SEMA3A: variants seen among roughly 807,000 people sequenced by gnomAD.
The protein encoded by SEMA3A is semaphorin-3A.
SEMA3A carries 29 observed loss-of-function variants against 97.9 expected under a neutral mutation model. The observed-to-expected ratio is 0.30, with a 90% CI of 0.22 to 0.40. SEMA3A has a LOEUF of 0.40. Ranked by LOEUF, SEMA3A falls within the 10% of genes least tolerant of loss-of-function variation. The probability of loss-of-function intolerance (pLI) is 1.00; values close to 1 mark genes in which losing one functional copy is unlikely to be tolerated. For missense variants in SEMA3A, 763 were observed against 951.3 expected, an observed-to-expected ratio of 0.80 and a Z score of 2.60; for synonymous variants, 321 against 323.7, an observed-to-expected ratio of 0.99 and a Z score of 0.09.
intron 1 of SEMA3A, among the ~76,000 whole-genome samples, chr7:84,425,169 A>T (rs1387072288): frequency 3.6e-5 from 4 of 110,932 alleles, no homozygotes; most frequent in African/African-American, 7.6e-5. Flanking sequence ...ATAAATATTA[A>T]ATATATTATA....
At chr7:84,340,069 A>T (rs1232809706) in intron 2 of SEMA3A, among the ~76,000 whole-genome samples, 3 of 152,136 alleles carry the variant, frequency 2.0e-5, no homozygotes, top group African/African-American at 7.2e-5. Context: ...GATATTTTGT[A>T]AAATTACCAT....
Position 84,405,304 on chromosome 7 carries a change from T to C in SEMA3A, c.-245-33404A>G, listed in dbSNP as rs186879473. Among the ~76,000 whole-genome samples, 8 of 152,272 alleles carry C rather than the reference T, an allele frequency of 5.3e-5. No individual in the cohort carries two copies. In the East Asian group the frequency reaches 1.5e-3, roughly 29 times the overall value. On this transcript the variant is annotated intron_variant, in intron 1 of 3. Coordinates refer to the SEMA3A transcript ENST00000424555. Reference sequence around the variant, plus strand: ...AGATCAAAAGAGACAAAGAAGGCCATTACATAATGGTCAAGGGATCAATTC... The same window carrying C: ...AGATCAAAAGAGACAAAGAAGGCCACTACATAATGGTCAAGGGATCAATTC...
rs1803226101 is a variant in SEMA3A at position 84,380,368 on chromosome 7, A to G, written c.-245-8468T>C. On this transcript the variant is annotated intron_variant, in intron 1 of 3. Transcript: ENST00000424555. ...CAATCTAGTTTGATAGCATAATTAA[A>G]ATGAACAAAATCTTCATGCACAGCA... is the stretch of plus-strand genomic sequence containing the variant. 3.3e-5 allele frequency among the ~76,000 whole-genome samples: 5 copies of G among 152,336 alleles called. No homozygotes were observed. The South Asian group carries it at 1.0e-3, about 32-fold the overall frequency.
chr7:84,074,457 T>C (rs1793865984), intron 4 of SEMA3A, among the ~76,000 whole-genome samples: 1 of 152,136 alleles, frequency 6.6e-6, no homozygotes, highest in Non-Finnish European at 1.5e-5. Flanking sequence ...AGTATAATTT[T>C]CTGCCTTGTT....
intron 1 of SEMA3A, among the ~76,000 whole-genome samples, chr7:84,373,157 T>C (rs1803012636): frequency 6.6e-6 from 1 of 152,192 alleles, no homozygotes; most frequent in Non-Finnish European, 1.5e-5. Context: ...ACTAAATAAG[T>C]GTCCCCAGTC....
At chr7:84,084,386 G>A (rs1486528761) in intron 4 of SEMA3A, among the ~76,000 whole-genome samples, 3 of 151,640 alleles carry the variant, frequency 2.0e-5, no homozygotes, top group Non-Finnish European at 4.4e-5. Context: ...ATATAGCAGG[G>A]GTGATAAAAA....
At chr7:84,432,860 A>ATTTTT (rs34970127) in intron 1 of SEMA3A, among the ~76,000 whole-genome samples, 3 of 138,942 alleles carry the variant, frequency 2.2e-5, no homozygotes, top group Admixed American at 7.3e-5. Flanking sequence ...ACAAATGTGA[A>ATTTTT]TTTTTTTTTT....
At chr7:84,049,384 T>C (rs1792497240) in intron 5 of SEMA3A, among the ~76,000 whole-genome samples, 1 of 152,078 alleles carries the variant, frequency 6.6e-6, no homozygotes, top group Non-Finnish European at 1.5e-5. Flanking sequence ...GTCTTATCAA[T>C]GATGATTGCT....
intron 10 of SEMA3A, among the ~76,000 whole-genome samples, chr7:84,006,327 A>G (rs1249282051): frequency 6.6e-6 from 1 of 152,094 alleles, no homozygotes; most frequent in Non-Finnish European, 1.5e-5. Flanking sequence ...TTTTGTTTCT[A>G]ACATAATGCT....
chr7:83,964,109 T>C (rs1788580281), intron 15 of SEMA3A, among the ~76,000 whole-genome samples: 1 of 152,174 alleles, frequency 6.6e-6, no homozygotes, highest in African/African-American at 2.4e-5. Context: ...TGTTTCCTGA[T>C]TAAGTTTCTA....
chr7:84,035,442 G>A (rs1791905186), intron 6 of SEMA3A, among the ~76,000 whole-genome samples: 1 of 151,702 alleles, frequency 6.6e-6, no homozygotes, highest in African/African-American at 2.4e-5. Flanking sequence ...GAGTATTATT[G>A]TGTTTATCAT....
chr7:84,349,814 C>T (rs1802391689), intron 2 of SEMA3A, among the ~76,000 whole-genome samples: 2 of 151,532 alleles, frequency 1.3e-5, no homozygotes, highest in Non-Finnish European at 2.9e-5. Flanking sequence ...TCTTTTTTTT[C>T]CACTTTTTCA....
chr7:84,331,221 T>G (rs1329614070), intron 2 of SEMA3A, among the ~76,000 whole-genome samples: 1 of 152,074 alleles, frequency 6.6e-6, no homozygotes, highest in Non-Finnish European at 1.5e-5. Context: ...AAAACAGAAG[T>G]ATCTAAGATG....
At chr7:84,154,590 C>T (rs886807243) in intron 1 of SEMA3A, among the ~76,000 whole-genome samples, 4 of 150,372 alleles carry the variant, frequency 2.7e-5, no homozygotes, top group African/African-American at 7.3e-5. Context: ...GCAGAAGAAT[C>T]GCTTGAACCT....
At chr7:84,379,438 G>A (rs1042111535) in intron 1 of SEMA3A, among the ~76,000 whole-genome samples, 8 of 152,166 alleles carry the variant, frequency 5.3e-5, no homozygotes, top group Middle Eastern at 3.4e-3. Context: ...AAGGATAAAC[G>A]TTTCTCAGAC....
At chr7:84,096,310 A>C (rs1280849511) in intron 4 of SEMA3A, among the ~76,000 whole-genome samples, 1 of 152,110 alleles carries the variant, frequency 6.6e-6, no homozygotes, top group Admixed American at 6.6e-5. Flanking sequence ...AAGGATAGGA[A>C]CTAGAGAAGC....
At chr7:84,272,136 T>A in intron 3 of SEMA3A, among the ~76,000 whole-genome samples, 1 of 152,024 alleles carries the variant, frequency 6.6e-6, no homozygotes, top group South Asian at 2.1e-4. Context: ...ATATGAGCTT[T>A]ATAAAAGTAA....
intron 1 of SEMA3A, among the ~76,000 whole-genome samples, chr7:84,487,323 T>C (rs988048345): frequency 6.6e-6 from 1 of 152,050 alleles, no homozygotes; most frequent in Non-Finnish European, 1.5e-5. Context: ...TTGTGACTGC[T>C]GGCTGGGACT....
intron 12 of SEMA3A, among the ~76,000 whole-genome samples, chr7:83,993,076 CTTCT>C (rs1189270705): frequency 1.4e-5 from 2 of 140,676 alleles, no homozygotes; most frequent in Admixed American, 7.4e-5. Context: ...ATGTAATGGC[CTTCT>C]TTGTCTCTTT....
Sources: gnomAD v4.1 joint callset for allele counts (sites outside exome capture counted in the v4.1 genomes callset) on GRCh38, gnomAD v4.1.1 for gene constraint, MANE v1.5 for transcripts, NCBI Gene and HGNC (gene_info 2026-07-23, HGNC 2026-07-21) for gene names.